Variants in IKBKE observed in about 807,000 individuals in gnomAD.
IKBKE encodes inhibitor of nuclear factor kappa-B kinase subunit epsilon.
A neutral mutation model predicts 92.1 loss-of-function variants in IKBKE; 45 were observed. The ratio of observed to expected loss-of-function variants is 0.49; its 90% CI spans 0.38 to 0.63. The LOEUF (loss-of-function observed/expected upper bound fraction) is 0.63. Ranked by LOEUF, IKBKE falls within the 20% of genes least tolerant of loss-of-function variation. IKBKE has a pLI of 0.00. For synonymous variants in IKBKE, 374 were observed against 380.3 expected, an observed-to-expected ratio of 0.98 and a Z score of 0.19; for missense variants, 700 against 932.8, an observed-to-expected ratio of 0.75 and a Z score of 3.25.
At position 206,477,721 on chromosome 1, in the gene IKBKE, C is replaced by G. The variant is rs1553385765; in HGVS notation, c.702-28C>G. The stretch of plus-strand genomic sequence containing the variant: ...GCCCGGCAATGTGATAGCTGGGGAT[C>G]CCGCTGACCTGGCCTTCCTCCCCGC... On this transcript the variant is annotated intron_variant, in intron 7 of 21. Transcript: ENST00000581977. The G allele has an allele frequency of 2.9e-6, 4 of 1,380,718 alleles. No individual in the cohort carries two copies. In the South Asian group the frequency reaches 3.8e-5, roughly 13 times the overall value. The allele number at this position is 1,380,718 out of a possible 1,614,324, so 85.5% of individuals were successfully genotyped here.
rs41299015 is a variant in IKBKE, at chr1:206,485,235, G to A, written c.1545G>A (p.Glu515=). The A allele has an allele frequency of 6.2e-7, 1 of 1,614,044 alleles. No individual in the cohort carries two copies. Among genetic ancestry groups the A allele is most frequent in the Non-Finnish European group, 8.5e-7 (1 of 1,179,882 alleles). The change falls in exon 15 of 22, where the codon GAG becomes GAA. Residue 515 remains glutamate, a synonymous_variant. Transcript: ENST00000581977. The surrounding 1 kb of genome is among the most constrained non-coding windows in gnomAD (Gnocchi z 5.0). ...CCAGATGCTCCCAAAATATCACGGAGACCCAGGAGAGCCTGAGCAGCCTGA... is the reference window on the plus strand; with the variant it reads ...CCAGATGCTCCCAAAATATCACGGAAACCCAGGAGAGCCTGAGCAGCCTGA... The part of the protein sequence containing the change: ...VLSRCSQNIT[E]TQESLSSLNR...
intron 7 of IKBKE, among the ~76,000 whole-genome samples, 177 bp from the exon 8 acceptor site, chr1:206,477,572 G>A (rs782680634): frequency 6.6e-6 from 1 of 152,216 alleles, no homozygotes; most frequent in African/African-American, 2.4e-5. Context: ...TCCAGGAGGA[G>A]TGCTGAGGCA....
chr1:206,473,305 C>A lies in IKBKE; in HGVS notation c.78C>A (p.Ala26=). Residue 26 remains alanine, a synonymous_variant, in exon 3 of 22, where the codon GCC becomes GCA. Coordinates refer to ENST00000581977, the MANE Select transcript of IKBKE (RefSeq NM_014002.4). Reference sequence around the variant, plus strand: ...GGGCCACTGCCAGTGTGTACAAGGCCCGCAACAAGGTAGGAAGCAACCCTG... The same window carrying A: ...GGGCCACTGCCAGTGTGTACAAGGCACGCAACAAGGTAGGAAGCAACCCTG... The part of the protein sequence containing the change: ...GQGATASVYK[A]RNKKSGELVA... 1 of 1,612,132 alleles carries A rather than the reference C, an allele frequency of 6.2e-7. No individual in the cohort carries two copies. Among genetic ancestry groups the A allele is most frequent in the South Asian group, 1.1e-5 (1 of 90,664 alleles).
In IKBKE at chr1:206,474,323, A is replaced by G. The variant is rs1420333026; in HGVS notation, c.88-8A>G. The G allele has an allele frequency of 6.2e-7, 1 of 1,610,298 alleles. No homozygotes were observed. The highest frequency in any genetic ancestry group is 1.3e-5 in the African/African-American group (1 of 74,992). On this transcript the variant is annotated splice_region_variant and splice_polypyrimidine_tract_variant and intron_variant, in intron 3 of 21. Coordinates refer to ENST00000581977, the MANE Select transcript of IKBKE (RefSeq NM_014002.4). ...TGCTGTCTCCCACTGCTCCCTCCCC[A>G]ATGGCAGAAATCCGGAGAGCTGGTT...
intron 2 of IKBKE, among the ~76,000 whole-genome samples, chr1:206,472,055 G>C (rs1664803759): frequency 6.6e-6 from 1 of 152,204 alleles, no homozygotes; most frequent in African/African-American, 2.4e-5. Flanking sequence ...TTCAAGACCA[G>C]CCTGGGCAAC....
chr1:206,485,281 C>T lies in IKBKE; in HGVS notation c.1591C>T (p.Arg531Trp), dbSNP rs782500380. ...CCTGAACCGGGAGCTGGTGAAGAGC[C>T]GGGATCAGGTACATGAGGACAGAAG... ...SSLNRELVKS[R>W]DQVHEDRSIQ... Residue 531 changes from arginine to tryptophan, a missense_variant, in exon 15 of 22, where the codon CGG (arginine) becomes TGG (tryptophan). Physicochemically the swap from Arg to Trp is moderately radical, Grantham distance 101. Transcript: ENST00000581977. The surrounding 1 kb of genome is among the most constrained non-coding windows in gnomAD (Gnocchi z 5.0). 3.7e-5 allele frequency: 60 copies of T among 1,612,144 alleles called. No individual in the cohort carries two copies. The African/African-American group carries it at 4.1e-4, about 11-fold the overall frequency.
chr1:206,491,956 C>A, intron 18 of IKBKE: 1 of 484,012 alleles, frequency 2.1e-6, no homozygotes, highest in East Asian at 3.9e-5. Flanking sequence ...ACAACACCTG[C>A]CCTATACAGT....
Position 206,473,243 on chromosome 1 carries a change from A to G in IKBKE, c.16A>G (p.Asn6Asp). Residue 6 changes from asparagine (N) to aspartate (D), a missense_variant, in exon 3 of 22, where the codon AAT becomes GAT. Asn to Asp is a conservative substitution (Grantham distance 23). Coordinates refer to ENST00000581977, the MANE Select transcript of IKBKE (RefSeq NM_014002.4). The stretch of plus-strand genomic sequence containing the variant: ...AGGGCAGGAGATGCAGAGCACAGCC[A>G]ATTACCTGTGGCACACAGATGACCT... MQSTA[N>D]YLWHTDDLLG... 1.1e-5 allele frequency: 17 copies of G among 1,612,964 alleles called. No individual in the cohort carries two copies. The highest frequency in any genetic ancestry group is 1.4e-5 in the Non-Finnish European group (16 of 1,179,554).
intron 13 of IKBKE, 85 bp downstream of exon 13, chr1:206,480,618 T>G: frequency 2.2e-6 from 2 of 899,590 alleles, no homozygotes; most frequent in African/African-American, 4.5e-5. Flanking sequence ...AATGCACCTC[T>G]TCTCCCCCAA....
rs149219314 is a variant in IKBKE, at chr1:206,478,993, G to C, written c.1043G>C (p.Arg348Pro). ...AVHKQTSVAP[R>P]HQEYLFEGHL... ...CACAAGCAGACCAGTGTGGCCCCCC[G>C]ACACCAGGAGTACCTCTTTGAGGGT... The change falls in exon 10 of 22, where the codon CGA (arginine) becomes CCA (proline). Residue 348 changes from arginine to proline, a missense_variant. By Grantham distance (103) the Arg-to-Pro change is moderately radical. Coordinates refer to ENST00000581977, the MANE Select transcript of IKBKE (RefSeq NM_014002.4). The surrounding 1 kb of genome is among the most constrained non-coding windows in gnomAD (Gnocchi z 4.8). The C allele has an allele frequency of 1.9e-6, 3 of 1,613,920 alleles. No homozygotes were observed. The East Asian group carries it at 6.7e-5, about 36-fold the overall frequency.
chr1:206,495,887 G>C (rs1666210462), intron 21 of IKBKE, among the ~76,000 whole-genome samples: 1 of 152,114 alleles, frequency 6.6e-6, no homozygotes, highest in Non-Finnish European at 1.5e-5. Flanking sequence ...AGAGACTCTG[G>C]GTACAGCTTG....
chr1:206,470,680 C>T lies in IKBKE; in HGVS notation c.-141C>T, dbSNP rs1286261483. 1.3e-5 allele frequency: 2 copies of T among 152,334 alleles called. No individual in the cohort carries two copies. Among genetic ancestry groups the T allele is most frequent in the Non-Finnish European group, 2.9e-5 (2 of 68,108 alleles). The allele number at this position is 152,334 out of a possible 1,614,324, so 9.4% of individuals were successfully genotyped here. A position where few individuals can be genotyped will look rare whatever the true frequency, so the allele number is the denominator to read the frequency against. On this transcript the variant is annotated 5_prime_UTR_variant, in exon 1 of 22. Coordinates refer to ENST00000581977, the MANE Select transcript of IKBKE (RefSeq NM_014002.4). ...GTCACCCAGTCCCACAAGCCTGCAT[C>T]CCCTGCAGTGGAGATGGGGTGAGTG... is the stretch of plus-strand genomic sequence containing the variant.
chr1:206,482,724 G>A (rs1161382146), intron 13 of IKBKE, among the ~76,000 whole-genome samples: 2 of 152,240 alleles, frequency 1.3e-5, no homozygotes, highest in Non-Finnish European at 2.9e-5. Context: ...GGGCCTCTGT[G>A]TCCTCATTTT....
chr1:206,474,270 T>C, intron 3 of IKBKE, 61 bp from the exon 4 acceptor site: 1 of 1,520,530 alleles, frequency 6.6e-7, no homozygotes, highest in Non-Finnish European at 9.0e-7. Context: ...GCTGCTCCCC[T>C]GTGGGAGTGG....
At chr1:206,486,222 G>C (rs1197446019) in intron 15 of IKBKE, among the ~76,000 whole-genome samples, 2 of 152,264 alleles carry the variant, frequency 1.3e-5, no homozygotes, top group East Asian at 3.8e-4. Context: ...ACAATACACT[G>C]TGTGGGTACC....
At chr1:206,477,622 A>G in intron 7 of IKBKE, 127 bp from the exon 8 acceptor site, 1 of 621,070 alleles carries the variant, frequency 1.6e-6, no homozygotes, top group Non-Finnish European at 2.9e-6. Context: ...CTCACACTCC[A>G]TCTGTCAGGC....
In IKBKE at chr1:206,480,003, G is replaced by A. The variant is rs199949263; in HGVS notation, c.1249-19G>A. 7 of 1,611,294 alleles carry A rather than the reference G, an allele frequency of 4.3e-6. No homozygotes were observed. The African/African-American group carries it at 9.3e-5, about 22-fold the overall frequency. On this transcript the variant is annotated intron_variant, in intron 11 of 21. Transcript: ENST00000581977. ...GGTAGGAGGTGTGGGACCTGGCCCT[G>A]TGCATCTCTGTGTTTCAGGGCGTGT... is the stretch of plus-strand genomic sequence containing the variant.
chr1:206,476,066 C>G lies in IKBKE; in HGVS notation c.359-115C>G, dbSNP rs375576738. 1.4e-5 allele frequency: 13 copies of G among 941,134 alleles called. No individual in the cohort carries two copies. In the East Asian group the frequency reaches 3.1e-4, roughly 23 times the overall value. 58.3% of individuals were successfully genotyped at this position (941,134 alleles called of 1,614,324 possible). On this transcript the variant is annotated intron_variant, in intron 5 of 21. Transcript: ENST00000581977. This position sits in a 1 kb window ranked among gnomAD's most constrained non-coding sequence, Gnocchi z 5.1. Reference sequence around the variant, plus strand: ...TCTGCCTGTCCCATGGCTCTGTCAGCCCATGGGAACTCCTGTCTCTCTGGA... The same window carrying G: ...TCTGCCTGTCCCATGGCTCTGTCAGGCCATGGGAACTCCTGTCTCTCTGGA...
At chr1:206,473,746 G>A (rs545355247) in intron 3 of IKBKE, among the ~76,000 whole-genome samples, 2 of 152,062 alleles carry the variant, frequency 1.3e-5, no homozygotes, top group East Asian at 1.9e-4. Flanking sequence ...GGCAGATCAC[G>A]AGGTCAGGAG....
Sources: gnomAD v4.1 joint callset for allele counts (sites outside exome capture counted in the v4.1 genomes callset) on GRCh38, gnomAD v4.1.1 for gene constraint, Gnocchi (gnomAD v3.1) non-coding constraint, MANE v1.5 for transcripts, NCBI Gene and HGNC (gene_info 2026-07-23, HGNC 2026-07-21) for gene names.